Variants in COL4A5 observed in about 807,000 individuals in gnomAD.
COL4A5 encodes the protein collagen alpha-5(IV) chain.
A neutral mutation model predicts 130.2 loss-of-function variants in COL4A5; 26 were observed. The observed-to-expected ratio is 0.20, with a 90% CI of 0.15 to 0.28. COL4A5 has a LOEUF of 0.28. Ranked by LOEUF, COL4A5 falls within the 10% of genes least tolerant of loss-of-function variation. COL4A5 has a pLI of 1.00. For synonymous variants in COL4A5, 496 were observed against 439.6 expected, an observed-to-expected ratio of 1.13 and a Z score of -1.60; for missense variants, 1,131 against 1,344.3, an observed-to-expected ratio of 0.84 and a Z score of 2.48.
rs530110043 is a variant in COL4A5 at position 108,669,060 on chromosome X, C to T, written c.3790+556C>T. On this transcript the variant is annotated intron_variant, in intron 41 of 52. Transcript: ENST00000328300. ...CAGCATGATCAAATTGACTAGTGAT[C>T]TCTTCATACCAACCTCATGTCTATA... Among the ~76,000 whole-genome samples, 4 of 112,266 alleles carry T rather than the reference C, an allele frequency of 3.6e-5. No individual in the cohort carries two copies. In the South Asian group the frequency reaches 1.5e-3, roughly 41 times the overall value.
chrX:108,691,905 G>A (rs886441958), intron 49 of COL4A5, among the ~76,000 whole-genome samples: 2 of 111,716 alleles, frequency 1.8e-5, no homozygotes, highest in African/African-American at 6.5e-5. Flanking sequence ...TGGCAAGGTA[G>A]AAATGTGGTT....
chrX:108,569,515 C>T (rs1291156524), intron 6 of COL4A5, among the ~76,000 whole-genome samples: 1 of 110,233 alleles, frequency 9.1e-6, no homozygotes, highest in African/African-American at 3.3e-5. Flanking sequence ...ATATTATAGC[C>T]AATTCTTATT....
intron 17 of COL4A5, 129 bp downstream of exon 17, chrX:108,583,066 T>C (rs891903047): frequency 1.5e-5 from 8 of 538,504 alleles, no homozygotes; most frequent in African/African-American, 6.9e-5. Context: ...ATGCCTTCTT[T>C]ATTCATCTTT....
chrX:108,542,017 A>G (rs899343398), intron 2 of COL4A5, among the ~76,000 whole-genome samples: 2 of 112,252 alleles, frequency 1.8e-5, no homozygotes, highest in Admixed American at 9.5e-5. Flanking sequence ...GTAGACTATG[A>G]TTTAAAGCAG....
At chrX:108,574,718 T>G (rs2066117801) in intron 9 of COL4A5, among the ~76,000 whole-genome samples, 1 of 112,369 alleles carries the variant, frequency 8.9e-6, no homozygotes, top group Non-Finnish European at 1.9e-5. Context: ...TCACTCTGTT[T>G]CACTTTCATA....
At position 108,602,042 on chromosome X, in the gene COL4A5, A is replaced by G. The variant is rs1046688234; in HGVS notation, c.2146+53A>G. On this transcript the variant is annotated intron_variant, in intron 27 of 52. Coordinates refer to ENST00000328300, the MANE Select transcript of COL4A5 (RefSeq NM_033380.3). ...TAGGTTAGAAGTTTAGCATGATGTT[A>G]TTCTCTCATAAAATTCATTCAACAA... 3 of 604,288 alleles carry G rather than the reference A, an allele frequency of 5.0e-6. No individual in the cohort carries two copies. The African/African-American group carries it at 6.7e-5, about 14-fold the overall frequency. 49.8% of individuals were successfully genotyped at this position (604,288 alleles called of 1,213,427 possible).
intron 1 of COL4A5, among the ~76,000 whole-genome samples, chrX:108,537,294 C>T (rs2065470104): frequency 9.0e-6 from 1 of 110,985 alleles, no homozygotes; most frequent in Non-Finnish European, 1.9e-5. Context: ...TTCTCATAAC[C>T]TAGGTGGAAT....
At chrX:108,637,042 A>C (rs1342417859) in intron 36 of COL4A5, among the ~76,000 whole-genome samples, 1 of 104,688 alleles carries the variant, frequency 9.6e-6, no homozygotes, top group Admixed American at 1.1e-4. Context: ...TTCCAGGCTC[A>C]AGCAATTCTC....
chrX:108,550,597 A>G (rs1057330777), intron 2 of COL4A5, among the ~76,000 whole-genome samples: 2 of 112,245 alleles, frequency 1.8e-5, no homozygotes, highest in Admixed American at 1.9e-4. Flanking sequence ...ATTGTACTCA[A>G]TGGAGAAAGA....
At chrX:108,538,229 A>G (rs1025108049) in intron 1 of COL4A5, among the ~76,000 whole-genome samples, 2 of 112,303 alleles carry the variant, frequency 1.8e-5, no homozygotes, top group Non-Finnish European at 3.8e-5. Flanking sequence ...GTAATATTCA[A>G]TTCATATTTG....
chrX:108,663,052 C>A (rs1264904895), intron 37 of COL4A5, among the ~76,000 whole-genome samples: 1 of 112,151 alleles, frequency 8.9e-6, no homozygotes. Flanking sequence ...ATATTACCTA[C>A]AGAAATGGTG....
At chrX:108,547,097 C>T (rs1290545790) in intron 2 of COL4A5, among the ~76,000 whole-genome samples, 1 of 112,366 alleles carries the variant, frequency 8.9e-6, no homozygotes, top group Middle Eastern at 4.2e-3. Flanking sequence ...CTGTAGCCTT[C>T]TTCTCTCAAC....
intron 2 of COL4A5, among the ~76,000 whole-genome samples, chrX:108,541,050 G>T (rs1490969823): frequency 8.9e-6 from 1 of 111,949 alleles, no homozygotes; most frequent in Admixed American, 9.5e-5. Context: ...TAGAGGTATA[G>T]AAGGTACGTT....
chrX:108,485,927 T>G (rs2147535637), intron 1 of COL4A5, among the ~76,000 whole-genome samples: 1 of 111,401 alleles, frequency 9.0e-6, no homozygotes, highest in South Asian at 3.8e-4. Flanking sequence ...CAAGTTTATT[T>G]AATGTCCCAG....
intron 1 of COL4A5, among the ~76,000 whole-genome samples, chrX:108,531,391 A>AAAAAAT (rs1437922016): frequency 3.1e-4 from 32 of 103,147 alleles, no homozygotes; most frequent in Non-Finnish European, 6.0e-4. Context: ...AAAATAAAAT[A>AAAAAAT]AATAAATAAA....
At chrX:108,477,270 A>G (rs1336657705) in intron 1 of COL4A5, among the ~76,000 whole-genome samples, 1 of 111,448 alleles carries the variant, frequency 9.0e-6, no homozygotes, top group Non-Finnish European at 1.9e-5. Context: ...ACCCATACAC[A>G]TCTCCTGGGA....
At chrX:108,444,473 C>A (rs2064433508) in intron 1 of COL4A5, among the ~76,000 whole-genome samples, 2 of 111,766 alleles carry the variant, frequency 1.8e-5, no homozygotes, top group African/African-American at 6.5e-5. Context: ...CCCGCCTTGG[C>A]CTCCCAAAGT....
intron 1 of COL4A5, among the ~76,000 whole-genome samples, chrX:108,456,200 C>T (rs2064583287): frequency 9.0e-6 from 1 of 111,505 alleles, no homozygotes; most frequent in Admixed American, 9.5e-5. Context: ...TAATTCTATT[C>T]TAAATGGTAT....
At chrX:108,505,257 A>T (rs2065113703) in intron 1 of COL4A5, among the ~76,000 whole-genome samples, 1 of 110,414 alleles carries the variant, frequency 9.1e-6, no homozygotes, top group African/African-American at 3.3e-5. Context: ...AGGGATAAAA[A>T]AAAAAAACTA....
Sources: allele counts gnomAD v4.1 joint callset (sites outside exome capture counted in the v4.1 genomes callset), GRCh38; gene constraint gnomAD v4.1.1; transcripts MANE v1.5; gene names NCBI Gene and HGNC (gene_info 2026-07-23, HGNC 2026-07-21).